The following DOCK1 variants were observed in gnomAD, a reference collection of about 807,000 sequenced individuals.
DOCK1 encodes dedicator of cytokinesis 1.
Under a neutral mutation model 262.7 loss-of-function variants are expected in DOCK1, and 138 were observed. That is an observed-to-expected ratio of 0.53 (90% CI 0.46 to 0.61). The LOEUF (loss-of-function observed/expected upper bound fraction) is 0.61. DOCK1 is among the 20% of genes least tolerant of loss of function. The probability of loss-of-function intolerance (pLI) is 0.00; values close to 1 mark genes in which losing one functional copy is unlikely to be tolerated. For synonymous variants in DOCK1, 866 were observed against 867.4 expected, an observed-to-expected ratio of 1.00 and a Z score of 0.03; for missense variants, 1,908 against 2,370.7, an observed-to-expected ratio of 0.80 and a Z score of 4.05.
intron 29 of DOCK1, among the ~76,000 whole-genome samples, chr10:127,327,412 C>T (rs2062790414): frequency 6.6e-6 from 1 of 152,206 alleles, no homozygotes; most frequent in South Asian, 2.1e-4. Flanking sequence ...TGGCTTCTTT[C>T]CTTAAGAATC....
At position 127,175,620 on chromosome 10, in the gene DOCK1, G is replaced by C. The variant is rs762884651; in HGVS notation, c.2847+47856G>C. Reference sequence around the variant, plus strand: ...CTCGGGGGCCCTGGCACTGAGGGCAGGTGCGTAAACGGTGGCAACCTCCGT... The same window carrying C: ...CTCGGGGGCCCTGGCACTGAGGGCACGTGCGTAAACGGTGGCAACCTCCGT... On this transcript the variant is annotated intron_variant, in intron 27 of 51. Transcript: ENST00000623213. The surrounding 1 kb of genome is among the most constrained non-coding windows in gnomAD (Gnocchi z 6.3). 3 of 1,613,138 alleles carry C rather than the reference G, an allele frequency of 1.9e-6. No homozygotes were observed. In the Admixed American group the frequency reaches 5.0e-5, roughly 27 times the overall value.
At chr10:127,248,603 T>C (rs546829072) in intron 28 of DOCK1, among the ~76,000 whole-genome samples, 1 of 152,204 alleles carries the variant, frequency 6.6e-6, no homozygotes, top group East Asian at 1.9e-4. Context: ...TACAACTTAA[T>C]TAGGAAAAGT....
intron 27 of DOCK1, among the ~76,000 whole-genome samples, chr10:127,220,536 C>T (rs1270093884): frequency 2.0e-5 from 3 of 151,984 alleles, no homozygotes; most frequent in African/African-American, 7.3e-5. Flanking sequence ...TGTTGCTTAT[C>T]TGAAATTCCA....
intron 1 of DOCK1, among the ~76,000 whole-genome samples, chr10:126,955,515 G>T (rs2036659676): frequency 1.3e-5 from 2 of 152,176 alleles, no homozygotes; most frequent in Admixed American, 6.5e-5. Context: ...TGCAGCCTGG[G>T]TGTTCTGTGG....
At chr10:126,942,323 G>T (rs1266890054) in intron 1 of DOCK1, among the ~76,000 whole-genome samples, 1 of 152,048 alleles carries the variant, frequency 6.6e-6, no homozygotes, top group Non-Finnish European at 1.5e-5. Flanking sequence ...GCGCCCAGCC[G>T]ATATTTGCTC....
rs907502090 is a variant in DOCK1 at position 126,952,980 on chromosome 10, G to A, written c.47-17722G>A. ...GTATTTTTTGTTGGTGGTATTGTTG[G>A]TAGTATAGTTAGTGATGTAGTGTTG... On this transcript the variant is annotated intron_variant, in intron 1 of 51. Coordinates refer to ENST00000623213, the MANE Select transcript of DOCK1 (RefSeq NM_001290223.2). Among the ~76,000 whole-genome samples, 5 of 151,174 alleles carry A rather than the reference G, an allele frequency of 3.3e-5. 1 individual carries two copies. The highest frequency in any genetic ancestry group is 1.2e-4 in the African/African-American group (5 of 41,116).
chr10:127,155,697 T>C (rs544672433), intron 27 of DOCK1, among the ~76,000 whole-genome samples: 3 of 152,288 alleles, frequency 2.0e-5, no homozygotes, highest in African/African-American at 7.2e-5. Flanking sequence ...GTCCACCCTA[T>C]GGCAAGGCTC....
chr10:127,042,670 A>T lies in DOCK1; in HGVS notation c.2056A>T (p.Asn686Tyr), dbSNP rs773196502. The stretch of plus-strand genomic sequence containing the variant: ...TGCCCTCTTCAACATCATGATGGAG[A>T]ACTCAGAGAGTGAGACTTTTGACAC... The part of the protein sequence containing the change: ...LDALFNIMME[N>Y]SESETFDTLV... Residue 686 changes from asparagine (N) to tyrosine (Y), a missense_variant, in exon 20 of 52, where the codon AAC (asparagine) becomes TAC (tyrosine). This residue lies in a region of DOCK1 where 294 missense variants were observed against 439.9 expected (regional missense o/e 0.67). Coordinates refer to ENST00000623213, the MANE Select transcript of DOCK1 (RefSeq NM_001290223.2). The T allele has an allele frequency of 6.2e-7, 1 of 1,614,062 alleles. No homozygotes were observed. The highest frequency in any genetic ancestry group is 8.5e-7 in the Non-Finnish European group (1 of 1,180,044).
rs150192553 is a variant in DOCK1 at position 126,970,155 on chromosome 10, G to A, written c.47-547G>A. On this transcript the variant is annotated intron_variant, in intron 1 of 51. Transcript: ENST00000623213. ...TGACTTTTTAGGGGCTTATGTAGGA[G>A]CACTATGATCCTTTTGCAAAATAGG... Among the ~76,000 whole-genome samples, 386 of 152,174 alleles carry A rather than the reference G, an allele frequency of 2.5e-3. 2 individuals carry two copies. Among genetic ancestry groups the A allele is most frequent in the Non-Finnish European group, 3.4e-3 (234 of 68,018 alleles).
chr10:127,200,766 C>T (rs1338977522), intron 27 of DOCK1, among the ~76,000 whole-genome samples: 2 of 152,202 alleles, frequency 1.3e-5, no homozygotes, highest in East Asian at 1.9e-4. Context: ...TATTAGGACA[C>T]TCCCAAGTCT....
intron 22 of DOCK1, among the ~76,000 whole-genome samples, chr10:127,060,763 C>A (rs2045478557): frequency 1.3e-5 from 2 of 152,204 alleles, no homozygotes; most frequent in Admixed American, 1.3e-4. Context: ...TGTCCCACCT[C>A]TTGAATACTT....
intron 1 of DOCK1, among the ~76,000 whole-genome samples, chr10:126,948,635 T>C (rs1471142863): frequency 1.3e-5 from 2 of 151,920 alleles, no homozygotes; most frequent in Non-Finnish European, 2.9e-5. Context: ...TTTCCCGATG[T>C]GGGGTTGCAG....
chr10:127,284,369 A>G (rs1208158010), intron 29 of DOCK1, among the ~76,000 whole-genome samples: 4 of 152,136 alleles, frequency 2.6e-5, no homozygotes, highest in African/African-American at 4.8e-5. Context: ...CCCTCCCTCT[A>G]TAAATTTGAT....
intron 13 of DOCK1, among the ~76,000 whole-genome samples, chr10:127,021,536 G>A (rs1211330931): frequency 3.9e-5 from 6 of 152,148 alleles, no homozygotes; most frequent in Non-Finnish European, 7.3e-5. Flanking sequence ...TGGAGTTTAT[G>A]CCTTCCTTAT....
intron 47 of DOCK1, among the ~76,000 whole-genome samples, chr10:127,432,259 G>C (rs1372759164): frequency 6.6e-6 from 1 of 152,100 alleles, no homozygotes; most frequent in Non-Finnish European, 1.5e-5. Flanking sequence ...ATCAAATGCT[G>C]TTTTATTTGG....
intron 1 of DOCK1, among the ~76,000 whole-genome samples, chr10:126,934,210 T>C (rs1403901829): frequency 6.6e-6 from 1 of 152,224 alleles, no homozygotes; most frequent in African/African-American, 2.4e-5. Context: ...ATAGTATTTC[T>C]ATTGTCTTTA....
intron 23 of DOCK1, among the ~76,000 whole-genome samples, chr10:127,063,020 C>T (rs997960077): frequency 1.3e-5 from 2 of 152,136 alleles, no homozygotes; most frequent in African/African-American, 4.8e-5. Context: ...ATGGAGCAGC[C>T]GCAGGACCCC....
At position 127,023,192 on chromosome 10, in the gene DOCK1, C is replaced by T. The variant is rs762838792; in HGVS notation, c.1328-8C>T. On this transcript the variant is annotated splice_polypyrimidine_tract_variant and splice_region_variant and intron_variant, in intron 13 of 51. Transcript: ENST00000623213. ...TGTTTTTTAAATGTATGATTTCTCC[C>T]CCCTCAGGTGATGTTCGAAATGATA... 1.2e-6 allele frequency: 2 copies of T among 1,612,586 alleles called. No homozygotes were observed. The highest frequency in any genetic ancestry group is 1.3e-5 in the African/African-American group (1 of 74,934).
At chr10:126,993,258 C>T (rs2039941708) in intron 6 of DOCK1, among the ~76,000 whole-genome samples, 1 of 152,232 alleles carries the variant, frequency 6.6e-6, no homozygotes, top group Non-Finnish European at 1.5e-5. Context: ...CCTGTAGGAC[C>T]TACTGGCTGG....
Sources: allele counts gnomAD v4.1 joint callset (sites outside exome capture counted in the v4.1 genomes callset), GRCh38; gene constraint gnomAD v4.1.1; regional missense constraint gnomAD v4.1.1; non-coding constraint Gnocchi (gnomAD v3.1); transcripts MANE v1.5; gene names NCBI Gene and HGNC (gene_info 2026-07-23, HGNC 2026-07-21).